Variants in STAU2 observed in about 807,000 individuals in gnomAD.
The protein encoded by STAU2 is staufen double-stranded RNA binding protein 2, also known as double-stranded RNA-binding protein Staufen homolog 2.
Under a neutral mutation model 65.9 loss-of-function variants are expected in STAU2, and 20 were observed. That is an observed-to-expected ratio of 0.30 (90% CI 0.21 to 0.44). The LOEUF (loss-of-function observed/expected upper bound fraction) is 0.44, where lower values mean the gene tolerates loss of function less well. Ranked by LOEUF, STAU2 falls within the 20% of genes least tolerant of loss-of-function variation. STAU2 has a pLI of 1.00. For missense variants in STAU2, 558 were observed against 683.9 expected, an observed-to-expected ratio of 0.82 and a Z score of 2.05; for synonymous variants, 232 against 233.9, an observed-to-expected ratio of 0.99 and a Z score of 0.07.
At chr8:73,536,366 G>A (rs1184168979) in intron 13 of STAU2, among the ~76,000 whole-genome samples, 1 of 152,114 alleles carries the variant, frequency 6.6e-6, no homozygotes, top group African/African-American at 2.4e-5. Flanking sequence ...AAGAAAGTCT[G>A]CTCTTTCTAA....
chr8:73,565,574 T>C (rs559453097), intron 12 of STAU2, among the ~76,000 whole-genome samples: 1 of 152,194 alleles, frequency 6.6e-6, no homozygotes, highest in Non-Finnish European at 1.5e-5. Context: ...TTATTGTTTG[T>C]TTTTTAATTG....
chr8:73,683,993 T>C (rs1818614941), intron 5 of STAU2, among the ~76,000 whole-genome samples: 2 of 152,154 alleles, frequency 1.3e-5, no homozygotes. Context: ...TCCCAAACTC[T>C]TGGATGGGCA....
intron 13 of STAU2, among the ~76,000 whole-genome samples, chr8:73,502,140 T>C (rs941123508): frequency 7.2e-5 from 11 of 151,988 alleles, no homozygotes; most frequent in Non-Finnish European, 1.3e-4. Flanking sequence ...AGTAGGATTT[T>C]CCTTTATTAC....
chr8:73,636,509 T>C (rs1218690292), intron 6 of STAU2, among the ~76,000 whole-genome samples: 2 of 152,096 alleles, frequency 1.3e-5, no homozygotes, highest in Non-Finnish European at 2.9e-5. Context: ...AAATGATCCA[T>C]TCTCAAGAGA....
intron 12 of STAU2, among the ~76,000 whole-genome samples, chr8:73,577,101 T>C (rs1258922062): frequency 1.3e-5 from 2 of 152,192 alleles, no homozygotes; most frequent in Non-Finnish European, 1.5e-5. Flanking sequence ...AAGACTTCAG[T>C]ATACAGATAA....
intron 13 of STAU2, among the ~76,000 whole-genome samples, chr8:73,536,325 C>T (rs1028000515): frequency 1.6e-4 from 25 of 152,092 alleles, no homozygotes; most frequent in African/African-American, 6.0e-4. Context: ...CTTGAGAATG[C>T]CAATGGGTAC....
At chr8:73,723,334 T>C (rs1821815296) in intron 3 of STAU2, among the ~76,000 whole-genome samples, 2 of 152,374 alleles carry the variant, frequency 1.3e-5, no homozygotes, top group Non-Finnish European at 1.5e-5. Context: ...GACAAAATGA[T>C]GTTGAAAGAA....
intron 6 of STAU2, chr8:73,669,116 A>C: frequency 2.8e-6 from 2 of 701,892 alleles, no homozygotes; most frequent in Non-Finnish European, 5.2e-6. Context: ...GCCATCTATA[A>C]ATTAAAATAA....
intron 5 of STAU2, among the ~76,000 whole-genome samples, chr8:73,685,668 G>A (rs544547153): frequency 5.3e-5 from 8 of 152,116 alleles, no homozygotes; most frequent in South Asian, 2.1e-4. Context: ...GAGCCACTGC[G>A]CCCAGCCAAA....
intron 5 of STAU2, among the ~76,000 whole-genome samples, chr8:73,685,367 AAC>A (rs1353916324): frequency 6.6e-6 from 1 of 151,904 alleles, no homozygotes; most frequent in Non-Finnish European, 1.5e-5. Context: ...GGTGAAAAGA[AAC>A]ACTTTTTTTT....
At chr8:73,669,796 G>A (rs775028104) in intron 6 of STAU2, among the ~76,000 whole-genome samples, 3 of 152,128 alleles carry the variant, frequency 2.0e-5, no homozygotes, top group Admixed American at 2.0e-4. Context: ...CATAAGGACA[G>A]GGATTAGTGT....
chr8:73,696,263 CA>C (rs1819688242), intron 4 of STAU2, among the ~76,000 whole-genome samples: 1 of 152,218 alleles, frequency 6.6e-6, no homozygotes, highest in Non-Finnish European at 1.5e-5. Flanking sequence ...TTCCCAAGGA[CA>C]GGCATAAACA....
intron 13 of STAU2, among the ~76,000 whole-genome samples, chr8:73,532,409 T>C (rs1440683560): frequency 6.6e-6 from 1 of 152,090 alleles, no homozygotes; most frequent in Non-Finnish European, 1.5e-5. Context: ...GAGTCTGGGA[T>C]GAGCATGGTG....
intron 10 of STAU2, among the ~76,000 whole-genome samples, chr8:73,603,312 TC>T (rs1164617822): frequency 2.6e-5 from 4 of 152,156 alleles, no homozygotes; most frequent in Non-Finnish European, 4.4e-5. Context: ...ACTCTCTTTT[TC>T]TAACTTTCCT....
chr8:73,696,776 G>T (rs1417199662), intron 4 of STAU2, among the ~76,000 whole-genome samples: 1 of 152,084 alleles, frequency 6.6e-6, no homozygotes, highest in Non-Finnish European at 1.5e-5. Flanking sequence ...AGACTTACTG[G>T]CCTTAAAGAA....
intron 13 of STAU2, among the ~76,000 whole-genome samples, chr8:73,471,491 T>C (rs1012602099): frequency 2.0e-5 from 3 of 146,948 alleles, no homozygotes; most frequent in African/African-American, 7.6e-5. Flanking sequence ...CTCGGCCTCA[T>C]ATTATAATTC....
intron 6 of STAU2, among the ~76,000 whole-genome samples, chr8:73,627,040 C>T (rs1813695575): frequency 6.6e-6 from 1 of 151,772 alleles, no homozygotes; most frequent in African/African-American, 2.4e-5. Context: ...GGAAGTGTTC[C>T]TACTTTGCAA....
chr8:73,521,256 C>T (rs527421122), intron 13 of STAU2, among the ~76,000 whole-genome samples: 16 of 152,256 alleles, frequency 1.1e-4, no homozygotes, highest in Non-Finnish European at 1.9e-4. Context: ...AATTGTTACA[C>T]TTCATGAATG....
At chr8:73,599,104 T>C (rs1401212651) in intron 10 of STAU2, among the ~76,000 whole-genome samples, 1 of 152,180 alleles carries the variant, frequency 6.6e-6, no homozygotes, top group Non-Finnish European at 1.5e-5. Context: ...TCAATCAAAA[T>C]TCCATATATC....
Sources: allele counts gnomAD v4.1 joint callset (sites outside exome capture counted in the v4.1 genomes callset), GRCh38; gene constraint gnomAD v4.1.1; transcripts MANE v1.5; gene names NCBI Gene and HGNC (gene_info 2026-07-23, HGNC 2026-07-21).